CREBBP: variants seen among roughly 807,000 people sequenced by gnomAD.
CREBBP encodes the protein CREB binding lysine acetyltransferase, also known as CREB-binding protein.
In CREBBP, 19 loss-of-function variants were observed where a neutral mutation model predicts 265.0. The ratio of observed to expected loss-of-function variants is 0.07; its 90% CI spans 0.05 to 0.11. The LOEUF (loss-of-function observed/expected upper bound fraction) is 0.11. Among genes scored for constraint, CREBBP ranks in the 10% least tolerant of loss-of-function variants. The pLI, the probability that CREBBP is intolerant of heterozygous loss-of-function variation, is 1.00. For missense variants in CREBBP, 2,525 were observed against 3,219.0 expected (o/e 0.78, Z 5.22); for synonymous variants, 1,457 against 1,223.7 (o/e 1.19, Z -3.98).
At chr16:3,806,778 G>A (rs2053839142) in intron 3 of CREBBP, among the ~76,000 whole-genome samples, 1 of 152,062 alleles carries the variant, frequency 6.6e-6, no homozygotes, top group African/African-American at 2.4e-5. Context: ...AAGGCCCCCT[G>A]AAATGGTTCC....
intron 2 of CREBBP, among the ~76,000 whole-genome samples, chr16:3,818,499 G>A (rs1191587617): frequency 2.6e-5 from 4 of 151,744 alleles, no homozygotes; most frequent in Non-Finnish European, 5.9e-5. Context: ...GTAGAGATGG[G>A]GTTTCCCCAT....
Position 3,746,696 on chromosome 16 carries a change from T to C in CREBBP, c.3837-1342A>G, listed in dbSNP as rs556903964. Among the ~76,000 whole-genome samples, 5 of 152,240 alleles carry C rather than the reference T, an allele frequency of 3.3e-5. No individual in the cohort carries two copies. In the South Asian group the frequency reaches 6.2e-4, roughly 19 times the overall value. ...GTGCAGTGGCTCACACCTGTAATCC[T>C]AGCATGTGGAGAGGCTGGGGTGGAA... is the stretch of plus-strand genomic sequence containing the variant. On this transcript the variant is annotated intron_variant, in intron 21 of 30. Coordinates refer to ENST00000262367, the MANE Select transcript of CREBBP (RefSeq NM_004380.3).
At position 3,727,701 on chromosome 16, in the gene CREBBP, G is replaced by GTGA. The variant is rs763197100; in HGVS notation, c.*14_*16dup. ...GGTCCAAGAACATGAAAGGGAAAAG[G>GTGA]TGATGCTCTCACAATGCTACAAGCC... On this transcript the variant is annotated 3_prime_UTR_variant, in exon 31 of 31. Transcript: ENST00000262367. 5 of 1,613,896 alleles carry GTGA rather than the reference G, an allele frequency of 3.1e-6. No homozygotes were observed. The African/African-American group carries it at 5.3e-5, about 17-fold the overall frequency.
intron 18 of CREBBP, 152 bp downstream of exon 18, chr16:3,757,657 C>T: frequency 3.4e-6 from 4 of 1,185,594 alleles, no homozygotes; most frequent in South Asian, 1.4e-5. Context: ...CTCTGATCAC[C>T]CATCACATCG....
intron 1 of CREBBP, among the ~76,000 whole-genome samples, chr16:3,871,742 TA>T (rs1330670775): frequency 1.3e-5 from 2 of 152,228 alleles, no homozygotes; most frequent in Non-Finnish European, 2.9e-5. Flanking sequence ...TTGTGAATTA[TA>T]AAAAGATTTG....
intron 19 of CREBBP, among the ~76,000 whole-genome samples, chr16:3,756,135 T>C (rs938021783): frequency 2.6e-4 from 39 of 152,164 alleles, no homozygotes; most frequent in South Asian, 8.3e-4. Context: ...GTATAGGACA[T>C]AATTACTCTG....
At chr16:3,779,059 C>A (rs1015894846) in intron 8 of CREBBP, among the ~76,000 whole-genome samples, 1 of 151,344 alleles carries the variant, frequency 6.6e-6, no homozygotes, top group Non-Finnish European at 1.5e-5. Flanking sequence ...CCCAGCTACT[C>A]GGGAGGCTGA....
intron 5 of CREBBP, among the ~76,000 whole-genome samples, chr16:3,789,175 G>C (rs1431283042): frequency 6.6e-6 from 1 of 152,180 alleles, no homozygotes; most frequent in African/African-American, 2.4e-5. Flanking sequence ...TGCCTAAAAA[G>C]CAGAGTCCCG....
At chr16:3,777,946 C>A (rs1480236223) in intron 10 of CREBBP, 65 bp downstream of exon 10, 1 of 1,556,292 alleles carries the variant, frequency 6.4e-7, no homozygotes, top group Non-Finnish European at 8.9e-7. Flanking sequence ...TAGAAATACA[C>A]CCCAAACACG....
intron 28 of CREBBP, among the ~76,000 whole-genome samples, chr16:3,733,221 GC>G: frequency 6.6e-6 from 1 of 152,056 alleles, no homozygotes; most frequent in African/African-American, 2.4e-5. Flanking sequence ...AATTAGCCAG[GC>G]GTGGTGGCGG....
intron 23 of CREBBP, chr16:3,743,346 C>T (rs992350413): frequency 1.3e-5 from 2 of 152,246 alleles, no homozygotes; most frequent in African/African-American, 4.8e-5. Context: ...TGATATTTCA[C>T]AAGTTTTTAA....
chr16:3,828,600 G>A (rs1323251816), intron 2 of CREBBP, among the ~76,000 whole-genome samples: 2 of 152,112 alleles, frequency 1.3e-5, no homozygotes, highest in Non-Finnish European at 2.9e-5. Context: ...TATAAATTTC[G>A]TGCATGGGGG....
chr16:3,769,649 A>G (rs538575855), intron 14 of CREBBP, among the ~76,000 whole-genome samples: 1 of 152,164 alleles, frequency 6.6e-6, no homozygotes, highest in Non-Finnish European at 1.5e-5. Flanking sequence ...ATGAAATCTC[A>G]TATTTTGAAA....
intron 19 of CREBBP, among the ~76,000 whole-genome samples, chr16:3,756,494 C>G (rs143463245): frequency 7.6e-4 from 116 of 152,354 alleles, no homozygotes; most frequent in African/African-American, 2.6e-3. Flanking sequence ...TATTCTTTAG[C>G]CATCTTCATA....
Position 3,728,735 on chromosome 16 carries a change from G to C in CREBBP, c.6312C>G (p.Arg2104=), listed in dbSNP as rs2151304811. 1 of 1,613,928 alleles carries C rather than the reference G, an allele frequency of 6.2e-7. No individual in the cohort carries two copies. The highest frequency in any genetic ancestry group is 8.5e-7 in the Non-Finnish European group (1 of 1,180,008). The change falls in exon 31 of 31, where the codon CGC becomes CGG. Residue 2104 remains arginine (R), a synonymous_variant. Transcript: ENST00000262367. This position sits in a 1 kb window ranked among gnomAD's most constrained non-coding sequence, Gnocchi z 8.7. ...GCTGATTGGCCACGTACTTGGCTGT[G>C]CGCTGTTTGATGAAAGCTGCCATTA... ...PQLMAAFIKQ[R]TAKYVANQPG... is the part of the protein sequence containing the mutation.
At chr16:3,830,235 A>G (rs2054316589) in intron 2 of CREBBP, among the ~76,000 whole-genome samples, 1 of 152,038 alleles carries the variant, frequency 6.6e-6, no homozygotes, top group South Asian at 2.1e-4. Flanking sequence ...TGTCTCTACT[A>G]AAAATACAAA....
chr16:3,843,183 G>A (rs1267646472), intron 2 of CREBBP, among the ~76,000 whole-genome samples: 8 of 152,116 alleles, frequency 5.3e-5, no homozygotes, highest in Admixed American at 1.3e-4. Context: ...TGGCCAGACC[G>A]TGTGGATGCA....
intron 5 of CREBBP, among the ~76,000 whole-genome samples, chr16:3,787,610 C>T (rs2053416059): frequency 6.6e-6 from 1 of 151,806 alleles, no homozygotes; most frequent in Non-Finnish European, 1.5e-5. Context: ...GAGATCTTGA[C>T]TCCATATAAA....
chr16:3,856,716 A>G (rs2054971656), intron 1 of CREBBP, among the ~76,000 whole-genome samples: 1 of 152,250 alleles, frequency 6.6e-6, no homozygotes, highest in Non-Finnish European at 1.5e-5. Flanking sequence ...ATTAGAGATC[A>G]GCTCTCCTTC....
Sources: allele counts gnomAD v4.1 joint callset (sites outside exome capture counted in the v4.1 genomes callset), GRCh38; gene constraint gnomAD v4.1.1; non-coding constraint Gnocchi (gnomAD v3.1); transcripts MANE v1.5; gene names NCBI Gene and HGNC (gene_info 2026-07-23, HGNC 2026-07-21).